The following KLF17 variants were observed in gnomAD, a reference collection of about 807,000 sequenced individuals.
KLF17 encodes the protein Krueppel-like factor 17.
KLF17 carries 31 observed loss-of-function variants against 34.2 expected under a neutral mutation model. That is an observed-to-expected ratio of 0.91 (90% CI 0.68 to 1.22). The LOEUF (loss-of-function observed/expected upper bound fraction) is 1.22, where lower values mean the gene tolerates loss of function less well. Ranked by LOEUF, KLF17 falls within the 50% of genes most tolerant of loss-of-function variation. The probability of loss-of-function intolerance (pLI) is 0.00; values close to 1 mark genes in which losing one functional copy is unlikely to be tolerated. For synonymous variants in KLF17, 179 were observed against 186.7 expected (o/e 0.96, Z 0.34); for missense variants, 478 against 505.2 (o/e 0.95, Z 0.52).
chr1:44,118,708 G>A (rs1457073474), upstream of KLF17: 10 of 450,846 alleles, frequency 2.2e-5, no homozygotes, highest in African/African-American at 1.6e-4. Flanking sequence ...GGCATGGTGA[G>A]GGTGGGTGGC....
At chr1:44,105,670 TC>T in the KLF17 span, among the ~76,000 whole-genome samples, 778 of 152,296 alleles carry the variant, frequency 5.1e-3, 6 homozygotes, top group African/African-American at 0.018. Context: ...TCCATTTTTT[TC>T]TTTTTAATTT....
the KLF17 span, among the ~76,000 whole-genome samples, chr1:44,070,584 C>T: frequency 1.4e-5 from 2 of 148,080 alleles, no homozygotes; most frequent in African/African-American, 5.0e-5. Flanking sequence ...CTCCCTTTTC[C>T]CTTGTCTTTT....
the KLF17 span, chr1:44,104,298 A>T: frequency 5.0e-6 from 7 of 1,404,180 alleles, no homozygotes; most frequent in Non-Finnish European, 7.0e-6. Context: ...CTCCAGCTTC[A>T]GCTTCTCCTG....
the KLF17 span, chr1:44,088,449 TC>T: frequency 1.3e-5 from 2 of 152,296 alleles, no homozygotes; most frequent in African/African-American, 4.8e-5. Flanking sequence ...TCTGGCCTGT[TC>T]AGGAAGGAGG....
chr1:44,117,207 C>T (rs2087888398), upstream of KLF17: 1 of 152,058 alleles, frequency 6.6e-6, no homozygotes, highest in Admixed American at 6.5e-5. Context: ...TATTTCTGAC[C>T]TGGGCCAGTT....
chr1:44,049,384 T>C, the KLF17 span, among the ~76,000 whole-genome samples: 1 of 152,190 alleles, frequency 6.6e-6, no homozygotes, highest in Non-Finnish European at 1.5e-5. Flanking sequence ...TACCTCCCAA[T>C]CCCAGCCCTC....
the KLF17 span, among the ~76,000 whole-genome samples, chr1:44,049,483 A>G: frequency 6.6e-6 from 1 of 152,164 alleles, no homozygotes; most frequent in Non-Finnish European, 1.5e-5. Context: ...ATTATACAGT[A>G]TATATTCTTT....
At chr1:44,099,867 A>AAGAAAGAAAGAAAGAAAGAAAGAAAG in the KLF17 span, among the ~76,000 whole-genome samples, 1 of 64,826 alleles carries the variant, frequency 1.5e-5, no homozygotes, top group East Asian at 4.6e-4. Context: ...GAAAGAAAGA[A>AAGAAAGAAAGAAAGAAAGAAAGAAAG]AGAAAGAAAG....
At chr1:44,070,585 CTTGTCT>C in the KLF17 span, among the ~76,000 whole-genome samples, 1 of 142,402 alleles carries the variant, frequency 7.0e-6, no homozygotes, top group Non-Finnish European at 1.5e-5. Context: ...TCCCTTTTCC[CTTGTCT>C]TTTTTTTTTT....
In KLF17 at chr1:44,130,554, C is replaced by A; in HGVS notation, c.968C>A (p.Ser323Tyr). 1 of 1,614,100 alleles carries A rather than the reference C, an allele frequency of 6.2e-7. No homozygotes were observed. The highest frequency in any genetic ancestry group is 8.5e-7 in the Non-Finnish European group (1 of 1,179,986). ...TGCAACTGGGAAAGTTGTTCATGGTCTTTCTTCCGTTCTGATGAGCTTAGA... is the reference window on the plus strand; with the variant it reads ...TGCAACTGGGAAAGTTGTTCATGGTATTTCTTCCGTTCTGATGAGCTTAGA... The part of the protein sequence containing the change: ...YSCNWESCSW[S>Y]FFRSDELRRH... The change falls in exon 3 of 4, where the codon TCT becomes TAT. Residue 323 changes from serine to tyrosine, a missense_variant. By Grantham distance (144) the Ser-to-Tyr change is moderately radical (BLOSUM62 -2). Transcript: ENST00000372299.
At chr1:44,089,009 A>G in the KLF17 span, among the ~76,000 whole-genome samples, 1 of 152,180 alleles carries the variant, frequency 6.6e-6, no homozygotes, top group African/African-American at 2.4e-5. Flanking sequence ...ATTAGAAGGA[A>G]TATCTCTACT....
the KLF17 span, chr1:44,051,190 G>A: frequency 4.6e-5 from 7 of 152,414 alleles, no homozygotes; most frequent in African/African-American, 1.4e-4. Flanking sequence ...GATGACAAAT[G>A]GAGAGATGGC....
In KLF17 at chr1:44,134,085, G is replaced by A. The variant is rs1203426491; in HGVS notation, c.*848G>A. ...CTTGTTGTTGGAATGTAGGATGAGA[G>A]GCCTGCTTGGTGACCTAGCATTTTC... On this transcript the variant is annotated 3_prime_UTR_variant, in exon 4 of 4. Transcript: ENST00000372299. The A allele has an allele frequency of 1.3e-5, 2 of 152,306 alleles. No homozygotes were observed. The highest frequency in any genetic ancestry group is 2.9e-5 in the Non-Finnish European group (2 of 68,128). 9.4% of individuals were successfully genotyped at this position (152,306 alleles called of 1,614,324 possible). A position where few individuals can be genotyped will look rare whatever the true frequency, so the allele number is the denominator to read the frequency against.
the KLF17 span, among the ~76,000 whole-genome samples, chr1:44,079,790 G>A: frequency 4.3e-3 from 657 of 152,120 alleles, 11 homozygotes; most frequent in Non-Finnish European, 3.5e-3. Context: ...GCCATGTTTT[G>A]GAAAGAACAT....
At chr1:44,071,475 C>A in the KLF17 span, among the ~76,000 whole-genome samples, 8 of 152,116 alleles carry the variant, frequency 5.3e-5, no homozygotes, top group Non-Finnish European at 7.4e-5. Context: ...CCCCCATGAT[C>A]CCTTCCTTCT....
chr1:44,133,055 T>C (rs2088130246), intron 3 of KLF17, among the ~76,000 whole-genome samples, 183 bp from the exon 4 acceptor site: 1 of 152,186 alleles, frequency 6.6e-6, no homozygotes, highest in African/African-American at 2.4e-5. Flanking sequence ...GAATCAGAGC[T>C]GGTTTCTGTG....
chr1:44,076,814 T>TCCTG, the KLF17 span: 1 of 151,582 alleles, frequency 6.6e-6, no homozygotes, highest in Non-Finnish European at 1.5e-5. Context: ...AACCTCGAAC[T>TCCTG]CCTGGGCTCA....
At position 44,129,808 on chromosome 1, in the gene KLF17, C is replaced by T. The variant is rs1164407324; in HGVS notation, c.537C>T (p.Tyr179=). ...ACACTGGGAACCCTCCAGTGCCTTA[C>T]CCTGGCCTCTCGACAGTACCTTCTG... ...MSHTGNPPVP[Y]PGLSTVPSDE... is the part of the protein sequence containing the mutation. Residue 179 remains tyrosine, a synonymous_variant, in exon 2 of 4, where the codon TAC becomes TAT. Coordinates refer to ENST00000372299, the MANE Select transcript of KLF17 (RefSeq NM_173484.4). 7 of 1,614,222 alleles carry T rather than the reference C, an allele frequency of 4.3e-6. No individual in the cohort carries two copies. The highest frequency in any genetic ancestry group is 1.7e-5 in the Admixed American group (1 of 60,026).
chr1:44,093,957 AG>A, the KLF17 span, among the ~76,000 whole-genome samples: 1 of 152,366 alleles, frequency 6.6e-6, no homozygotes, highest in East Asian at 1.9e-4. Flanking sequence ...AAGACAGAGA[AG>A]AAACAGTCCA....
Sources: gnomAD v4.1 joint callset for allele counts (sites outside exome capture counted in the v4.1 genomes callset) on GRCh38, gnomAD v4.1.1 for gene constraint, MANE v1.5 for transcripts, NCBI Gene and HGNC (gene_info 2026-07-23, HGNC 2026-07-21) for gene names.